ARFGEF2: variants seen among roughly 807,000 people sequenced by gnomAD.
ARFGEF2 encodes the protein brefeldin A-inhibited guanine nucleotide-exchange protein 2.
Under a neutral mutation model 219.9 loss-of-function variants are expected in ARFGEF2, and 74 were observed. The ratio of observed to expected loss-of-function variants is 0.34; its 90% CI spans 0.28 to 0.41. ARFGEF2 has a LOEUF of 0.41. ARFGEF2 is among the 10% of genes least tolerant of loss of function. The pLI is 1.00. For synonymous variants in ARFGEF2, 733 were observed against 799.2 expected (o/e 0.92, Z 1.40); for missense variants, 1,743 against 2,218.3 (o/e 0.79, Z 4.30).
At chr20:48,975,769 C>T (rs1039773819) in intron 13 of ARFGEF2, among the ~76,000 whole-genome samples, 1 of 135,002 alleles carries the variant, frequency 7.4e-6, no homozygotes, top group Non-Finnish European at 1.5e-5. Flanking sequence ...CCACTGCACT[C>T]CAGCCAGGGT....
intron 20 of ARFGEF2, 29 bp downstream of exon 20, chr20:48,989,713 AT>A (rs1253257278): frequency 3.1e-6 from 5 of 1,613,760 alleles, no homozygotes; most frequent in Non-Finnish European, 4.2e-6. Flanking sequence ...CACTCCAGAG[AT>A]ACTGGTGGGT....
chr20:48,999,239 GA>G (rs747080320), intron 25 of ARFGEF2: 27 of 445,594 alleles, frequency 6.1e-5, no homozygotes, highest in Admixed American at 1.7e-4. Flanking sequence ...CTTCGTCTCA[GA>G]AAAAAAAATT....
At chr20:49,007,088 T>C (rs1185377037) in intron 26 of ARFGEF2, among the ~76,000 whole-genome samples, 2 of 152,104 alleles carry the variant, frequency 1.3e-5, no homozygotes, top group Non-Finnish European at 2.9e-5. Context: ...TAGGAGGCCA[T>C]TGTAGTTGTC....
chr20:48,941,630 C>T (rs1359356038), intron 2 of ARFGEF2, among the ~76,000 whole-genome samples: 4 of 152,148 alleles, frequency 2.6e-5, no homozygotes, highest in Non-Finnish European at 5.9e-5. Flanking sequence ...GCGTGGCTGC[C>T]ACCAGGATTC....
At chr20:49,020,295 C>G (rs947523228) in intron 34 of ARFGEF2, among the ~76,000 whole-genome samples, 1 of 152,236 alleles carries the variant, frequency 6.6e-6, no homozygotes, top group Non-Finnish European at 1.5e-5. Flanking sequence ...TTGACCAAAA[C>G]AGTGTGCGGT....
At chr20:48,981,403 T>C (rs1164921347) in intron 14 of ARFGEF2, among the ~76,000 whole-genome samples, 1 of 152,238 alleles carries the variant, frequency 6.6e-6, no homozygotes, top group Non-Finnish European at 1.5e-5. Flanking sequence ...TCTCTCTGGC[T>C]GCCCTTAACA....
At chr20:48,951,947 AG>A (rs2091073538) in intron 4 of ARFGEF2, among the ~76,000 whole-genome samples, 1 of 152,122 alleles carries the variant, frequency 6.6e-6, no homozygotes, top group Non-Finnish European at 1.5e-5. Flanking sequence ...TAACATTATG[AG>A]GGGAGGGCTC....
At chr20:48,952,362 G>C (rs1410296229) in intron 4 of ARFGEF2, among the ~76,000 whole-genome samples, 3 of 151,866 alleles carry the variant, frequency 2.0e-5, no homozygotes, top group Non-Finnish European at 4.4e-5. Context: ...TACCATGTTG[G>C]CCAGGCTGGT....
At chr20:48,927,855 C>G (rs1050389019) in intron 1 of ARFGEF2, among the ~76,000 whole-genome samples, 8 of 151,976 alleles carry the variant, frequency 5.3e-5, no homozygotes, top group African/African-American at 2.4e-5. Context: ...GACTCAGGAC[C>G]CTGGAAGATT....
chr20:49,032,988 T>C lies in ARFGEF2; in HGVS notation c.5182-35T>C, dbSNP rs7263488. 0.074 allele frequency: 116,767 copies of C among 1,581,422 alleles called. 6,144 individuals are homozygous for C. The highest frequency in any genetic ancestry group is 0.27 in the African/African-American group (19,998 of 73,814). Reference sequence around the variant, plus strand: ...AACTGGTGCCCAAAAAAAAAAAAAATTGTCTAATTTTATCTGTTTCTCTCC... The same window carrying C: ...AACTGGTGCCCAAAAAAAAAAAAAACTGTCTAATTTTATCTGTTTCTCTCC... On this transcript the variant is annotated intron_variant, in intron 38 of 38. Transcript: ENST00000371917.
At chr20:48,999,730 G>C (rs1435606669) in intron 25 of ARFGEF2, among the ~76,000 whole-genome samples, 2 of 138,626 alleles carry the variant, frequency 1.4e-5, no homozygotes, top group Admixed American at 1.6e-4. Flanking sequence ...CTGGGCGACA[G>C]AGCGAGACTC....
rs1354641323 is a variant in ARFGEF2 at position 48,971,152 on chromosome 20, T to A, written c.1223T>A (p.Leu408Gln). Reference sequence around the variant, plus strand: ...GAGCTGCGTTCCAAGGTGGTTTCCCTGCAGCTGCTCCTCTCTGTGTTGCAA... The same window carrying A: ...GAGCTGCGTTCCAAGGTGGTTTCCCAGCAGCTGCTCCTCTCTGTGTTGCAA... ...SHELRSKVVSLQLLLSVLQNA... is the reference protein window; with the variant it reads ...SHELRSKVVSQQLLLSVLQNA... The change falls in exon 10 of 39, where the codon CTG becomes CAG. Residue 408 changes from leucine to glutamine, a missense_variant. This residue lies in a region of ARFGEF2 where 666 missense variants were observed against 955.4 expected (regional missense o/e 0.70). Transcript: ENST00000371917. 3 of 1,614,230 alleles carry A rather than the reference T, an allele frequency of 1.9e-6. No individual in the cohort carries two copies. The highest frequency in any genetic ancestry group is 1.7e-6 in the Non-Finnish European group (2 of 1,180,038).
intron 28 of ARFGEF2, 76 bp downstream of exon 28, chr20:49,012,160 AAG>A (rs2091503898): frequency 6.3e-7 from 1 of 1,588,614 alleles, no homozygotes. Context: ...GCTCCTAACA[AAG>A]AGCTTTCCAG....
At chr20:49,032,640 T>C (rs919440806) in intron 38 of ARFGEF2, among the ~76,000 whole-genome samples, 1 of 151,960 alleles carries the variant, frequency 6.6e-6, no homozygotes, top group African/African-American at 2.4e-5. Context: ...TCACACAGGC[T>C]GGAATGCAGT....
At chr20:48,933,374 A>C (rs1229228026) in intron 1 of ARFGEF2, among the ~76,000 whole-genome samples, 1 of 152,046 alleles carries the variant, frequency 6.6e-6, no homozygotes, top group Admixed American at 6.6e-5. Flanking sequence ...GCAGAGTAGC[A>C]CTTCTGGCTG....
chr20:49,007,592 C>CTTTTT (rs752508908), intron 26 of ARFGEF2, among the ~76,000 whole-genome samples: 6 of 97,838 alleles, frequency 6.1e-5, no homozygotes, highest in Non-Finnish European at 1.0e-4. Context: ...CCTGGTGTTG[C>CTTTTT]TTTTTTTTTT....
At chr20:48,977,025 C>T (rs1482911140) in intron 14 of ARFGEF2, among the ~76,000 whole-genome samples, 12 of 151,444 alleles carry the variant, frequency 7.9e-5, no homozygotes, top group South Asian at 6.3e-4. Flanking sequence ...GTGTGCACAA[C>T]GTGCAGGTTT....
chr20:48,996,520 CA>C (rs2091388972), intron 23 of ARFGEF2, among the ~76,000 whole-genome samples: 1 of 151,662 alleles, frequency 6.6e-6, no homozygotes, highest in Non-Finnish European at 1.5e-5. Context: ...AGGTGGATCA[CA>C]AGGTCAGGAA....
At chr20:48,999,764 A>C (rs2024958) in intron 25 of ARFGEF2, among the ~76,000 whole-genome samples, 33,011 of 150,122 alleles carry the variant, frequency 0.22, 3,689 homozygotes, top group Non-Finnish European at 0.25. Flanking sequence ...AAAAAAAAAA[A>C]AAAAGAAATG....
Sources: allele counts gnomAD v4.1 joint callset (sites outside exome capture counted in the v4.1 genomes callset), GRCh38; gene constraint gnomAD v4.1.1; regional missense constraint gnomAD v4.1.1; transcripts MANE v1.5; gene names NCBI Gene and HGNC (gene_info 2026-07-23, HGNC 2026-07-21).